The following XPR1 variants were observed in gnomAD, a reference collection of about 807,000 sequenced individuals.
XPR1 encodes the protein xenotropic and polytropic retrovirus receptor 1, also known as solute carrier family 53 member 1.
A neutral mutation model predicts 87.5 loss-of-function variants in XPR1; 28 were observed. That is an observed-to-expected ratio of 0.32 (90% CI 0.24 to 0.44). XPR1 has a LOEUF of 0.44. Ranked by LOEUF, XPR1 falls within the 20% of genes least tolerant of loss-of-function variation. The probability of loss-of-function intolerance (pLI) is 1.00; values close to 1 mark genes in which losing one functional copy is unlikely to be tolerated. For missense variants in XPR1, 559 were observed against 862.3 expected (o/e 0.65, Z 4.41); for synonymous variants, 300 against 306.1 (o/e 0.98, Z 0.21).
At chr1:180,697,159 C>T (rs1269702610) in intron 2 of XPR1, among the ~76,000 whole-genome samples, 1 of 152,030 alleles carries the variant, frequency 6.6e-6, no homozygotes, top group East Asian at 1.9e-4. Flanking sequence ...TCTTACTACT[C>T]GTTATTGGTC....
At chr1:180,708,923 C>A (rs1474251730) in intron 2 of XPR1, among the ~76,000 whole-genome samples, 1 of 17,572 alleles carries the variant, frequency 5.7e-5, no homozygotes, top group African/African-American at 2.2e-4. Flanking sequence ...GGGGGGGGGG[C>A]GGGGGCGGGG....
At chr1:180,853,130 G>A (rs142545648) in intron 11 of XPR1, among the ~76,000 whole-genome samples, 8 of 152,046 alleles carry the variant, frequency 5.3e-5, no homozygotes, top group East Asian at 1.9e-4. Context: ...TATTCGCCAC[G>A]TTAGCCAAGC....
At chr1:180,875,802 C>T (rs1377943435) in intron 13 of XPR1, among the ~76,000 whole-genome samples, 1 of 151,892 alleles carries the variant, frequency 6.6e-6, no homozygotes, top group Non-Finnish European at 1.5e-5. Context: ...ATGCCAAATA[C>T]TGTTGATAAA....
chr1:180,885,342 T>TTA lies in XPR1; in HGVS notation c.*1277_*1278insAT, dbSNP rs1396952287. The TTA allele has an allele frequency of 1.3e-5, 2 of 152,654 alleles. No individual in the cohort carries two copies. Among genetic ancestry groups the TTA allele is most frequent in the Non-Finnish European group, 2.9e-5 (2 of 68,042 alleles). The allele number at this position is 152,654 out of a possible 1,614,324, so 9.5% of individuals were successfully genotyped here. A position where few individuals can be genotyped will look rare whatever the true frequency, so the allele number is the denominator to read the frequency against. ...CAGTTTTAAAGGATGAACATTGGAT[T>TTA]TCATGCCATCCCATAGAAAACCTGT... On this transcript the variant is annotated 3_prime_UTR_variant, in exon 15 of 15. Transcript: ENST00000367590.
intron 2 of XPR1, among the ~76,000 whole-genome samples, chr1:180,693,021 A>G (rs1162392762): frequency 6.6e-6 from 1 of 152,196 alleles, no homozygotes; most frequent in South Asian, 2.1e-4. Flanking sequence ...TTTATTGTCA[A>G]GTTTGAGAGA....
At chr1:180,663,497 G>A (rs1158141990) in intron 1 of XPR1, among the ~76,000 whole-genome samples, 1 of 152,202 alleles carries the variant, frequency 6.6e-6, no homozygotes, top group Non-Finnish European at 1.5e-5. Context: ...GATAAACAGA[G>A]TTTATCTTTC....
At chr1:180,878,043 G>T (rs1458786700) in intron 13 of XPR1, 1 of 152,278 alleles carries the variant, frequency 6.6e-6, no homozygotes, top group East Asian at 1.9e-4. Flanking sequence ...TGCCATCAGA[G>T]CTCTCTCCAG....
At chr1:180,866,797 ATTTTTT>A (rs539839824) in intron 12 of XPR1, among the ~76,000 whole-genome samples, 1 of 136,370 alleles carries the variant, frequency 7.3e-6, no homozygotes, top group Non-Finnish European at 1.6e-5. Flanking sequence ...ATATTAGTTT[ATTTTTT>A]TTTTTTAATT....
rs949693286 is a variant in XPR1 at position 180,632,069 on chromosome 1, C to A, written c.-133C>A. 6 of 1,047,234 alleles carry A rather than the reference C, an allele frequency of 5.7e-6. No individual in the cohort carries two copies. The highest frequency in any genetic ancestry group is 2.9e-4 in the Middle Eastern group (1 of 3,482). The allele number at this position is 1,047,234 out of a possible 1,614,324, so 64.9% of individuals were successfully genotyped here. On this transcript the variant is annotated 5_prime_UTR_variant, in exon 1 of 15. Transcript: ENST00000367590. ...CGGGCGGGCTGCTCTGAAGAGACCT[C>A]GGCGGCGGCGGAGGAGGAGAGAAGC...
Position 180,885,149 on chromosome 1 carries a change from T to C in XPR1, c.*1083T>C, listed in dbSNP as rs1203451757. On this transcript the variant is annotated 3_prime_UTR_variant, in exon 15 of 15. Coordinates refer to ENST00000367590, the MANE Select transcript of XPR1 (RefSeq NM_004736.4). ...AGACAGAGCTATTTCAGAGGCTCTG[T>C]GTGCCCTCACTAGATAGTTTTTCTT... 4 of 152,646 alleles carry C rather than the reference T, an allele frequency of 2.6e-5. No individual in the cohort carries two copies. Among genetic ancestry groups the C allele is most frequent in the Non-Finnish European group, 5.9e-5 (4 of 68,042 alleles). 9.5% of individuals were successfully genotyped at this position (152,646 alleles called of 1,614,324 possible). A position where few individuals can be genotyped will look rare whatever the true frequency, so the allele number is the denominator to read the frequency against.
rs569977865 is a variant in XPR1, at chr1:180,686,747, A to G, written c.121+4336A>G. 4.6e-5 allele frequency among the ~76,000 whole-genome samples: 7 copies of G among 152,306 alleles called. No homozygotes were observed. The South Asian group carries it at 1.4e-3, about 32-fold the overall frequency. The stretch of plus-strand genomic sequence containing the variant: ...ATTCTATGAAGTTATTCTAGTGACA[A>G]GCTATTAGAGACTTGTTCTTATGAC... On this transcript the variant is annotated intron_variant, in intron 2 of 14. Coordinates refer to ENST00000367590, the MANE Select transcript of XPR1 (RefSeq NM_004736.4).
intron 3 of XPR1, among the ~76,000 whole-genome samples, chr1:180,799,834 G>T (rs1481140153): frequency 6.6e-6 from 1 of 152,148 alleles, no homozygotes; most frequent in Non-Finnish European, 1.5e-5. Flanking sequence ...ATTTTCCTCA[G>T]TGAAAATACC....
rs528381632 is a variant in XPR1, at chr1:180,814,034, T to G, written c.763+2546T>G. On this transcript the variant is annotated intron_variant, in intron 7 of 14. Transcript: ENST00000367590. ...TCTTGATTGCAGGGACTATGTATTG[T>G]TGCATTTTAAGTTCCCAACACATTG... 2.0e-5 allele frequency among the ~76,000 whole-genome samples: 3 copies of G among 152,344 alleles called. No homozygotes were observed. In the South Asian group the frequency reaches 6.2e-4, roughly 32 times the overall value.
At chr1:180,645,834 GT>G (rs1263864912) in intron 1 of XPR1, among the ~76,000 whole-genome samples, 31 of 152,318 alleles carry the variant, frequency 2.0e-4, no homozygotes, top group Admixed American at 8.5e-4. Context: ...ACATTTGGAA[GT>G]GACCTCTTTG....
chr1:180,834,680 T>C (rs1237330511), intron 9 of XPR1, among the ~76,000 whole-genome samples, 194 bp from the exon 10 acceptor site: 1 of 152,228 alleles, frequency 6.6e-6, no homozygotes, highest in Non-Finnish European at 1.5e-5. Context: ...CCTTTCTTAG[T>C]TATCCATTCA....
chr1:180,721,281 C>G (rs924194611), intron 2 of XPR1, among the ~76,000 whole-genome samples: 1 of 151,132 alleles, frequency 6.6e-6, no homozygotes, highest in Admixed American at 6.6e-5. Flanking sequence ...TTGGTGAAAT[C>G]CAGGTTGAAT....
At chr1:180,766,436 T>C (rs1190017184) in intron 2 of XPR1, among the ~76,000 whole-genome samples, 1 of 152,154 alleles carries the variant, frequency 6.6e-6, no homozygotes, top group African/African-American at 2.4e-5. Flanking sequence ...TATTTGGGTA[T>C]GTTTGATTAT....
At chr1:180,684,427 C>G (rs1656691647) in intron 2 of XPR1, among the ~76,000 whole-genome samples, 1 of 152,172 alleles carries the variant, frequency 6.6e-6, no homozygotes, top group African/African-American at 2.4e-5. Flanking sequence ...AGCGTGATGC[C>G]TCCGGCTTTC....
chr1:180,755,093 T>C (rs980799464), intron 2 of XPR1, among the ~76,000 whole-genome samples: 2 of 152,146 alleles, frequency 1.3e-5, no homozygotes, highest in African/African-American at 4.8e-5. Context: ...CTAATGGTGT[T>C]AGATTGGCTA....
Sources: gnomAD v4.1 joint callset for allele counts (sites outside exome capture counted in the v4.1 genomes callset) on GRCh38, gnomAD v4.1.1 for gene constraint, MANE v1.5 for transcripts, NCBI Gene and HGNC (gene_info 2026-07-23, HGNC 2026-07-21) for gene names.